Variants in SHANK2 observed in about 807,000 individuals in gnomAD.
SHANK2 encodes SH3 and multiple ankyrin repeat domains protein 2.
In SHANK2, 43 loss-of-function variants were observed where a neutral mutation model predicts 133.7. The observed-to-expected ratio is 0.32, with a 90% confidence interval of 0.25 to 0.41. The LOEUF is 0.41. Ranked by LOEUF, SHANK2 falls within the 10% of genes least tolerant of loss-of-function variation. SHANK2 has a pLI of 1.00. For missense variants in SHANK2, 1,994 were observed against 2,235.8 expected (o/e 0.89, Z 2.18); for synonymous variants, 1,017 against 952.8 (o/e 1.07, Z -1.24).
At chr11:70,565,305 T>G (rs2059954585) in intron 17 of SHANK2, among the ~76,000 whole-genome samples, 1 of 152,160 alleles carries the variant, frequency 6.6e-6, no homozygotes. Context: ...AGTGCAGTGG[T>G]GCGATCTCGG....
intron 22 of SHANK2, among the ~76,000 whole-genome samples, chr11:70,491,170 G>T (rs1388818966): frequency 2.0e-5 from 3 of 152,246 alleles, no homozygotes; most frequent in Non-Finnish European, 4.4e-5. Context: ...AGGCCAACCC[G>T]GGAAAATATC....
intron 14 of SHANK2, among the ~76,000 whole-genome samples, chr11:70,750,936 C>A (rs981343506): frequency 6.6e-6 from 1 of 152,026 alleles, no homozygotes; most frequent in East Asian, 1.9e-4. Flanking sequence ...AAACAAGACC[C>A]AGAGTATCTT....
chr11:71,169,132 C>T (rs1224869996), intron 2 of SHANK2, among the ~76,000 whole-genome samples: 4 of 152,258 alleles, frequency 2.6e-5, no homozygotes, highest in African/African-American at 7.2e-5. Flanking sequence ...TGAACACAGA[C>T]GCAAGGCAAA....
chr11:71,172,415 TG>T (rs1362450656), intron 2 of SHANK2, among the ~76,000 whole-genome samples: 27 of 151,968 alleles, frequency 1.8e-4, no homozygotes, highest in Non-Finnish European at 3.5e-4. Context: ...TTGGCCAATA[TG>T]GTGACACCCC....
At chr11:70,738,976 T>G (rs1946466433) in intron 14 of SHANK2, among the ~76,000 whole-genome samples, 1 of 152,194 alleles carries the variant, frequency 6.6e-6, no homozygotes, top group Admixed American at 6.5e-5. Context: ...AGGGGGTCTG[T>G]GGCCCGACGG....
intron 9 of SHANK2, among the ~76,000 whole-genome samples, chr11:71,071,720 C>A (rs1951144688): frequency 6.6e-6 from 1 of 152,136 alleles, no homozygotes; most frequent in Non-Finnish European, 1.5e-5. Context: ...GGGACTCCAG[C>A]AGAGTGGCTG....
At chr11:70,671,254 C>T (rs781118571) in intron 15 of SHANK2, among the ~76,000 whole-genome samples, 1 of 152,130 alleles carries the variant, frequency 6.6e-6, no homozygotes, top group African/African-American at 2.4e-5. Context: ...CGCTCCCTGC[C>T]GAGACGAACG....
At chr11:70,683,555 G>T (rs1555018823) in intron 15 of SHANK2, among the ~76,000 whole-genome samples, 1 of 152,168 alleles carries the variant, frequency 6.6e-6, no homozygotes, top group African/African-American at 2.4e-5. Flanking sequence ...AGCAGAAATG[G>T]GTTCTCTCAC....
chr11:70,488,299 T>C (rs2058840680), intron 24 of SHANK2, among the ~76,000 whole-genome samples: 1 of 152,134 alleles, frequency 6.6e-6, no homozygotes, highest in Non-Finnish European at 1.5e-5. Context: ...GCAAGGATGG[T>C]GTGCAGTCCA....
At chr11:70,925,531 G>GA (rs1315532347) in intron 10 of SHANK2, among the ~76,000 whole-genome samples, 1 of 152,202 alleles carries the variant, frequency 6.6e-6, no homozygotes, top group African/African-American at 2.4e-5. Context: ...AAAACTGGTA[G>GA]AAAAAACATA....
At chr11:70,614,312 G>GTTTTTTTTTTTTTTTT (rs150637798) in intron 17 of SHANK2, among the ~76,000 whole-genome samples, 1 of 147,002 alleles carries the variant, frequency 6.8e-6, no homozygotes. Context: ...CAGTCTGTGG[G>GTTTTTTTTTTTTTTTT]TTTTGTTTTT....
intron 8 of SHANK2, among the ~76,000 whole-genome samples, chr11:71,088,636 G>A (rs1336544082): frequency 2.4e-4 from 37 of 152,276 alleles, no homozygotes; most frequent in African/African-American, 8.7e-4. Flanking sequence ...CATGACTCCC[G>A]CCCCTCGCCC....
intron 11 of SHANK2, among the ~76,000 whole-genome samples, chr11:70,887,589 C>T (rs1171894044): frequency 6.6e-6 from 1 of 152,100 alleles, no homozygotes; most frequent in Non-Finnish European, 1.5e-5. Context: ...ATTCCAGCAT[C>T]GTAAGGGCAC....
At chr11:70,910,624 G>T (rs1240141796) in intron 10 of SHANK2, among the ~76,000 whole-genome samples, 1 of 152,072 alleles carries the variant, frequency 6.6e-6, no homozygotes, top group African/African-American at 2.4e-5. Context: ...CCTGGCCAAA[G>T]TGGCAAAATC....
chr11:70,940,232 TTC>T (rs1950628030), intron 10 of SHANK2, among the ~76,000 whole-genome samples: 1 of 504 alleles, frequency 2.0e-3, no homozygotes, highest in Non-Finnish European at 4.3e-3. Flanking sequence ...CCTCCCTCCC[TTC>T]TTCTCTCTCT....
chr11:70,875,247 C>T (rs913487545), intron 11 of SHANK2, among the ~76,000 whole-genome samples: 10 of 152,026 alleles, frequency 6.6e-5, no homozygotes, highest in Admixed American at 2.6e-4. Context: ...CCTCCTGTTG[C>T]GTGTACCTGG....
At chr11:71,089,096 C>T (rs1181429798) in intron 8 of SHANK2, among the ~76,000 whole-genome samples, 12 of 152,332 alleles carry the variant, frequency 7.9e-5, no homozygotes, top group African/African-American at 1.9e-4. Context: ...AGCTCATTAG[C>T]GCTTTGGCAG....
intron 2 of SHANK2, among the ~76,000 whole-genome samples, chr11:71,162,809 A>T (rs1402386554): frequency 6.6e-6 from 1 of 152,074 alleles, no homozygotes; most frequent in East Asian, 1.9e-4. Context: ...GTGGTGGCTC[A>T]CGCCTGTTAT....
intron 9 of SHANK2, among the ~76,000 whole-genome samples, chr11:71,056,929 A>T (rs947236098): frequency 1.3e-5 from 2 of 152,228 alleles, no homozygotes; most frequent in African/African-American, 4.8e-5. Context: ...GAGAGTGGGG[A>T]TATATTCTAG....
Sources: allele counts gnomAD v4.1 joint callset (sites outside exome capture counted in the v4.1 genomes callset), GRCh38; gene constraint gnomAD v4.1.1; transcripts MANE v1.5; gene names NCBI Gene and HGNC (gene_info 2026-07-23, HGNC 2026-07-21).